Variants in CSMD3 observed in about 807,000 individuals in gnomAD.
CSMD3 encodes CUB and sushi domain-containing protein 3.
Under a neutral mutation model 435.2 loss-of-function variants are expected in CSMD3, and 177 were observed. The observed-to-expected ratio is 0.41, with a 90% confidence interval of 0.36 to 0.46. The LOEUF (loss-of-function observed/expected upper bound fraction) is 0.46, where lower values mean the gene tolerates loss of function less well. Ranked by LOEUF, CSMD3 falls within the 20% of genes least tolerant of loss-of-function variation. CSMD3 has a pLI of 0.34. For synonymous variants in CSMD3, 1,656 were observed against 1,520.5 expected, an observed-to-expected ratio of 1.09 and a Z score of -2.07; for missense variants, 4,265 against 4,504.6, an observed-to-expected ratio of 0.95 and a Z score of 1.52.
intron 13 of CSMD3, among the ~76,000 whole-genome samples, chr8:112,728,183 C>T (rs1269611866): frequency 2.0e-5 from 3 of 151,686 alleles, no homozygotes; most frequent in African/African-American, 7.3e-5. Context: ...ATAAAGTGCT[C>T]TCAAGACAGT....
Position 112,752,889 on chromosome 8 carries a change from A to G in CSMD3, c.1972+47273T>C, listed in dbSNP as rs868403336. The stretch of plus-strand genomic sequence containing the variant: ...TTTTATTTTTTCTAAGCCCTTCAGT[A>G]TTTGTTACCGCGTGTGTGTGTGTGT... On this transcript the variant is annotated intron_variant, in intron 13 of 70. Coordinates refer to ENST00000297405, the MANE Select transcript of CSMD3 (RefSeq NM_198123.2). 3.4e-5 allele frequency among the ~76,000 whole-genome samples: 5 copies of G among 148,636 alleles called. No individual in the cohort carries two copies. In the Middle Eastern group the frequency reaches 0.01, roughly 303 times the overall value.
chr8:112,475,172 A>G (rs1158751669), intron 31 of CSMD3, among the ~76,000 whole-genome samples: 1 of 152,190 alleles, frequency 6.6e-6, no homozygotes, highest in Non-Finnish European at 1.5e-5. Flanking sequence ...ATATTTGGGA[A>G]GTATGATAGA....
At chr8:112,746,680 T>C (rs2077434057) in intron 13 of CSMD3, among the ~76,000 whole-genome samples, 1 of 152,044 alleles carries the variant, frequency 6.6e-6, no homozygotes, top group African/African-American at 2.4e-5. Flanking sequence ...ATTACATTTG[T>C]ATATTTTGCA....
chr8:112,886,211 A>G (rs1355217476), intron 10 of CSMD3, among the ~76,000 whole-genome samples: 1 of 151,576 alleles, frequency 6.6e-6, no homozygotes, highest in Non-Finnish European at 1.5e-5. Flanking sequence ...AAACTCTGAA[A>G]CCAAATTGCT....
At chr8:112,294,088 T>TG (rs569516326) in intron 54 of CSMD3, among the ~76,000 whole-genome samples, 6,565 of 151,466 alleles carry the variant, frequency 0.043, 240 homozygotes, top group East Asian at 0.15. Flanking sequence ...TCAATTTGCT[T>TG]GGGGGGGGTG....
chr8:113,134,701 A>G (rs1403974601), intron 4 of CSMD3, among the ~76,000 whole-genome samples: 1 of 152,060 alleles, frequency 6.6e-6, no homozygotes, highest in Non-Finnish European at 1.5e-5. Context: ...ATATTTACAT[A>G]TGTATATACT....
chr8:113,302,003 T>C (rs1325328833), intron 2 of CSMD3, among the ~76,000 whole-genome samples: 1 of 151,390 alleles, frequency 6.6e-6, no homozygotes, highest in Non-Finnish European at 1.5e-5. Context: ...AATGACTCAA[T>C]GAAATAATTC....
chr8:112,639,230 G>A (rs1361278126), intron 20 of CSMD3, among the ~76,000 whole-genome samples: 1 of 151,946 alleles, frequency 6.6e-6, no homozygotes. Context: ...TATAATAGAG[G>A]TGCAATTTCC....
chr8:112,931,367 T>C (rs568712443), intron 9 of CSMD3, among the ~76,000 whole-genome samples: 33 of 152,110 alleles, frequency 2.2e-4, no homozygotes, highest in African/African-American at 7.5e-4. Context: ...CTTCAATAAA[T>C]GGTGCTGGGA....
At chr8:112,425,101 T>G (rs1040451609) in intron 32 of CSMD3, among the ~76,000 whole-genome samples, 1 of 152,244 alleles carries the variant, frequency 6.6e-6, no homozygotes, top group African/African-American at 2.4e-5. Context: ...TCTTTACAGT[T>G]AAATGATGCT....
At chr8:113,221,970 G>A (rs72687663) in intron 3 of CSMD3, among the ~76,000 whole-genome samples, 17,099 of 150,962 alleles carry the variant, frequency 0.11, 1,564 homozygotes, top group African/African-American at 0.25. Context: ...AACAGTTCCC[G>A]GAACAACGCA....
At chr8:112,765,652 C>A (rs1554674372) in intron 13 of CSMD3, among the ~76,000 whole-genome samples, 1 of 151,626 alleles carries the variant, frequency 6.6e-6, no homozygotes, top group Non-Finnish European at 1.5e-5. Context: ...AAAGCCTTAC[C>A]ATGGCTAAGT....
chr8:112,556,804 CCT>C lies in CSMD3; in HGVS notation c.4191_4192del (p.Arg1400LysfsTer13), dbSNP rs1828160016. On this transcript the variant is annotated frameshift_variant, in exon 25 of 71. Coordinates refer to ENST00000297405, the MANE Select transcript of CSMD3 (RefSeq NM_198123.2). LOFTEE classifies it high-confidence loss of function. Reference sequence around the variant, plus strand: ...AGGATAGTCCCATGCCCTTCTCTCCCCTGTCATGCACTTGAGAAGGCTACTTC... The same window carrying C: ...AGGATAGTCCCATGCCCTTCTCTCCCGTCATGCACTTGAGAAGGCTACTTC... 6.2e-7 allele frequency: 1 copy of C among 1,612,496 alleles called. No homozygotes were observed.
In CSMD3 at chr8:113,160,955, A is replaced by G. The variant is rs139303507; in HGVS notation, c.709+12767T>C. Among the ~76,000 whole-genome samples, 4 of 152,190 alleles carry G rather than the reference A, an allele frequency of 2.6e-5. No individual in the cohort carries two copies. The East Asian group carries it at 7.7e-4, about 29-fold the overall frequency. ...AAATACAACATGCCCTGAAGGTGCT[A>G]AAATTTATGGGGAAGAAAAGATAGT... On this transcript the variant is annotated intron_variant, in intron 4 of 70. Transcript: ENST00000297405.
chr8:112,623,624 CA>C (rs1834251162), intron 22 of CSMD3, among the ~76,000 whole-genome samples: 1 of 100,948 alleles, frequency 9.9e-6, no homozygotes, highest in African/African-American at 4.0e-5. Context: ...ACTAACTCGT[CA>C]TCTAGCATTA....
intron 13 of CSMD3, among the ~76,000 whole-genome samples, chr8:112,768,852 G>A (rs776171066): frequency 6.6e-6 from 1 of 151,686 alleles, no homozygotes; most frequent in African/African-American, 2.4e-5. Flanking sequence ...CTTTGTCAAG[G>A]TCACCTATTC....
intron 35 of CSMD3, among the ~76,000 whole-genome samples, chr8:112,405,698 ATTTTATAT>A (rs1367612920): frequency 1.4e-4 from 22 of 151,908 alleles, no homozygotes; most frequent in Non-Finnish European, 7.4e-5. Flanking sequence ...AAAATTTATA[ATTTTATAT>A]TTTTATACAT....
At chr8:112,495,695 G>A (rs1028505580) in intron 30 of CSMD3, among the ~76,000 whole-genome samples, 4 of 151,944 alleles carry the variant, frequency 2.6e-5, no homozygotes, top group Non-Finnish European at 5.9e-5. Flanking sequence ...TTTAGTTTCT[G>A]AATAAAAATT....
chr8:113,381,395 T>C (rs1419754325), intron 1 of CSMD3, among the ~76,000 whole-genome samples: 1 of 152,090 alleles, frequency 6.6e-6, no homozygotes, highest in Non-Finnish European at 1.5e-5. Flanking sequence ...GTTTATTCTT[T>C]TGGGGATCTA....
Sources: allele counts gnomAD v4.1 joint callset (sites outside exome capture counted in the v4.1 genomes callset), GRCh38; gene constraint gnomAD v4.1.1; transcripts MANE v1.5; gene names NCBI Gene and HGNC (gene_info 2026-07-23, HGNC 2026-07-21).